Variants in NCAPG2 observed in about 807,000 individuals in gnomAD.
The protein encoded by NCAPG2 is condensin-2 complex subunit G2.
In NCAPG2, 53 loss-of-function variants were observed where a neutral mutation model predicts 141.1. The ratio of observed to expected loss-of-function variants is 0.38; its 90% confidence interval spans 0.30 to 0.47. The LOEUF is 0.47. NCAPG2 is among the 20% of genes least tolerant of loss of function. NCAPG2 has a pLI of 0.99. For synonymous variants in NCAPG2, 499 were observed against 490.7 expected, an observed-to-expected ratio of 1.02 and a Z score of -0.22; for missense variants, 1,087 against 1,389.0, an observed-to-expected ratio of 0.78 and a Z score of 3.46.
chr7:158,642,467 G>T (rs559200386), intron 27 of NCAPG2, among the ~76,000 whole-genome samples: 1 of 152,062 alleles, frequency 6.6e-6, no homozygotes, highest in Non-Finnish European at 1.5e-5. Flanking sequence ...GAGCCTGGGA[G>T]GTTAAAGCTG....
intron 8 of NCAPG2, among the ~76,000 whole-genome samples, chr7:158,683,702 T>A (rs1391042831): frequency 6.6e-6 from 1 of 152,152 alleles, no homozygotes; most frequent in Non-Finnish European, 1.5e-5. Flanking sequence ...AGAGACTGAG[T>A]GCATGGTGAG....
chr7:158,697,677 C>T (rs1276315481), intron 2 of NCAPG2, among the ~76,000 whole-genome samples: 1 of 150,722 alleles, frequency 6.6e-6, no homozygotes, highest in African/African-American at 2.4e-5. Context: ...TTAGCAAAGA[C>T]ATGGAATAAA....
intron 23 of NCAPG2, among the ~76,000 whole-genome samples, 181 bp downstream of exon 23, chr7:158,652,112 C>T (rs1831535059): frequency 6.6e-6 from 1 of 152,182 alleles, no homozygotes; most frequent in African/African-American, 2.4e-5. Context: ...AGTGTATCCA[C>T]CATGGGGGAC....
In NCAPG2 at chr7:158,680,522, A is replaced by G. The variant is rs149686374; in HGVS notation, c.1020+199T>C. Among the ~76,000 whole-genome samples, 24 of 152,338 alleles carry G rather than the reference A, an allele frequency of 1.6e-4. 1 individual carries two copies. Among genetic ancestry groups the G allele is most frequent in the African/African-American group, 5.3e-4 (22 of 41,568 alleles). ...AAAAATAACTGTGTAGTTAGCACTA[A>G]ACCAATCCAGATTTCCAGTTAAATG... On this transcript the variant is annotated intron_variant, in intron 10 of 27. Coordinates refer to ENST00000356309, the MANE Select transcript of NCAPG2 (RefSeq NM_017760.7).
At chr7:158,686,360 T>C in intron 7 of NCAPG2, 119 bp from the exon 8 acceptor site, 1 of 539,820 alleles carries the variant, frequency 1.9e-6, no homozygotes, top group South Asian at 3.2e-5. Context: ...ACTAGTGCTT[T>C]GCAAATCATC....
chr7:158,653,106 CG>C (rs1831606063), intron 22 of NCAPG2, among the ~76,000 whole-genome samples: 1 of 152,046 alleles, frequency 6.6e-6, no homozygotes, highest in Non-Finnish European at 1.5e-5. Flanking sequence ...TGGTGGCTCA[CG>C]CCTGTAATCC....
At chr7:158,659,278 G>C (rs1832281740) in intron 16 of NCAPG2, among the ~76,000 whole-genome samples, 1 of 143,876 alleles carries the variant, frequency 7.0e-6, no homozygotes, top group South Asian at 2.2e-4. Flanking sequence ...GCAGTGAGCT[G>C]AGATTGTGCC....
intron 15 of NCAPG2, among the ~76,000 whole-genome samples, chr7:158,663,112 G>C (rs947620350): frequency 6.6e-6 from 1 of 152,168 alleles, no homozygotes; most frequent in Admixed American, 6.5e-5. Context: ...GCCAGTAAGC[G>C]GACATGCCCA....
At chr7:158,672,284 GTGTGTGTGTATATATATATATATATATA>G (rs141044963) in intron 12 of NCAPG2, among the ~76,000 whole-genome samples, 21,151 of 70,308 alleles carry the variant, frequency 0.3, 3,212 homozygotes, top group South Asian at 0.37. Flanking sequence ...ACACATGTGT[GTGTGTGTGTATATATATATATATATATA>G]TATATATATA....
At chr7:158,698,003 A>G (rs991161681) in intron 2 of NCAPG2, among the ~76,000 whole-genome samples, 1 of 152,186 alleles carries the variant, frequency 6.6e-6, no homozygotes, top group African/African-American at 2.4e-5. Flanking sequence ...ACTAAAAATA[A>G]CTAATTACTA....
At chr7:158,636,301 C>G (rs1024839567) in intron 27 of NCAPG2, among the ~76,000 whole-genome samples, 1 of 152,078 alleles carries the variant, frequency 6.6e-6, no homozygotes, top group Non-Finnish European at 1.5e-5. Context: ...GGAAGGCATT[C>G]CTAGTGAGAA....
At chr7:158,684,042 A>C (rs1357546801) in intron 8 of NCAPG2, among the ~76,000 whole-genome samples, 1 of 152,226 alleles carries the variant, frequency 6.6e-6, no homozygotes, top group Non-Finnish European at 1.5e-5. Flanking sequence ...GCTTTGAGGA[A>C]GGACCTAAGG....
chr7:158,664,723 T>C lies in NCAPG2; in HGVS notation c.1507A>G (p.Ile503Val), dbSNP rs764675544. 4.1e-5 allele frequency: 66 copies of C among 1,613,998 alleles called. No individual in the cohort carries two copies. In the Middle Eastern group the frequency reaches 8.2e-4, roughly 20 times the overall value. Residue 503 changes from isoleucine to valine, a missense_variant, in exon 14 of 28, where the codon ATT (isoleucine) becomes GTT (valine). Physicochemically the swap from Ile to Val is conservative, Grantham distance 29. Transcript: ENST00000356309. ...KFWKICPMEH[I>V]LVRLETDSRP... ...GAATCAGTTTCCAGACGAACCAGAA[T>C]GTGCTCCATGGGACATATTTTCCAA...
intron 8 of NCAPG2, among the ~76,000 whole-genome samples, 167 bp from the exon 9 acceptor site, chr7:158,683,553 T>A (rs1834571619): frequency 6.6e-6 from 1 of 152,280 alleles, no homozygotes; most frequent in Admixed American, 6.5e-5. Flanking sequence ...AAGTCCATGC[T>A]TCTTAGAATC....
chr7:158,702,085 G>C (rs111270060), intron 1 of NCAPG2, 147 bp from the exon 2 acceptor site: 1 of 530,706 alleles, frequency 1.9e-6, no homozygotes. Context: ...CATAAAACAC[G>C]CTATAATATC....
chr7:158,643,444 T>G (rs1346762405), intron 27 of NCAPG2, among the ~76,000 whole-genome samples: 1 of 152,230 alleles, frequency 6.6e-6, no homozygotes, highest in Non-Finnish European at 1.5e-5. Flanking sequence ...CTCAAACTCC[T>G]GGATTACAGG....
At position 158,633,252 on chromosome 7, in the gene NCAPG2, C is replaced by A. The variant is rs1829997834; in HGVS notation, c.3381-1535G>T. On this transcript the variant is annotated intron_variant, in intron 27 of 27. Transcript: ENST00000356309. This position sits in a 1 kb window ranked among gnomAD's most constrained non-coding sequence, Gnocchi z 4.1. ...ACCTCTCCTCGTGAGTATTTATGGT[C>A]TATGTTCTGAGACATCTCTCCAAAT... Among the ~76,000 whole-genome samples, 1 of 151,528 alleles carries A rather than the reference C, an allele frequency of 6.6e-6. No homozygotes were observed. The highest frequency in any genetic ancestry group is 6.6e-5 in the Admixed American group (1 of 15,190).
At position 158,664,562 on chromosome 7, in the gene NCAPG2, C is replaced by T; in HGVS notation, c.1668G>A (p.Gln556=). The T allele has an allele frequency of 1.2e-6, 2 of 1,614,162 alleles. No homozygotes were observed. Among genetic ancestry groups the T allele is most frequent in the Non-Finnish European group, 1.7e-6 (2 of 1,180,036 alleles). The change falls in exon 14 of 28, where the codon CAG becomes CAA. Residue 556 remains glutamine (Q), a synonymous_variant. Transcript: ENST00000356309. ...TGCAGGCGGTGTGTTCGTGGGCGTA[C>T]TGATAGAACCTCCTGGCAGCGGCGT... ...MNHAAARRFY[Q]YAHEHTACTN...
At chr7:158,672,312 ATATATATATATATATATT>A (rs1833766949) in intron 12 of NCAPG2, among the ~76,000 whole-genome samples, 7 of 38,504 alleles carry the variant, frequency 1.8e-4, no homozygotes, top group African/African-American at 4.9e-4. Context: ...ATATATATAT[ATATATATATATATATATT>A]TTTTTTTTTT....
Sources: allele counts gnomAD v4.1 joint callset (sites outside exome capture counted in the v4.1 genomes callset), GRCh38; gene constraint gnomAD v4.1.1; non-coding constraint Gnocchi (gnomAD v3.1); transcripts MANE v1.5; gene names NCBI Gene and HGNC (gene_info 2026-07-23, HGNC 2026-07-21).